TEAD3: variants seen among roughly 807,000 people sequenced by gnomAD.
TEAD3 encodes the protein transcriptional enhancer factor TEF-5.
TEAD3 carries 15 observed loss-of-function variants against 55.6 expected under a neutral mutation model. The observed-to-expected ratio is 0.27, with a 90% CI of 0.18 to 0.42. The LOEUF is 0.42. TEAD3 is among the 10% of genes least tolerant of loss of function. The pLI is 1.00. For synonymous variants in TEAD3, 210 were observed against 232.2 expected (o/e 0.90, Z 0.87); for missense variants, 407 against 576.8 (o/e 0.71, Z 3.01).
At position 35,486,351 on chromosome 6, in the gene TEAD3, G is replaced by A. The variant is rs1353468529; in HGVS notation, c.202+110C>T. On this transcript the variant is annotated intron_variant, in intron 2 of 12. Transcript: ENST00000639578. The surrounding 1 kb of genome is among the most constrained non-coding windows in gnomAD (Gnocchi z 7.3). ...CCAGACACACAGGCTTGCGCGCCCA[G>A]ACTCGCCCGGCCAGCGGCTGGCGGC... The A allele has an allele frequency of 7.6e-7, 1 of 1,318,666 alleles. No individual in the cohort carries two copies. Among genetic ancestry groups the A allele is most frequent in the African/African-American group, 1.5e-5 (1 of 67,846 alleles). 81.7% of individuals were successfully genotyped at this position (1,318,666 alleles called of 1,614,324 possible). A position where few individuals can be genotyped will look rare whatever the true frequency, so the allele number is the denominator to read the frequency against.
In TEAD3 at chr6:35,485,973, G is replaced by A. The variant is rs1005278770; in HGVS notation, c.202+488C>T. Among the ~76,000 whole-genome samples the A allele has an allele frequency of 2.6e-5, 4 of 152,222 alleles. No individual in the cohort carries two copies. Among genetic ancestry groups the A allele is most frequent in the African/African-American group, 9.6e-5 (4 of 41,462 alleles). The stretch of plus-strand genomic sequence containing the variant: ...AAAGAGGAGGGCCAACAAACCCAAG[G>A]AGTGGGGAAGGGGACTGAGGAGGGA... On this transcript the variant is annotated intron_variant, in intron 2 of 12. Coordinates refer to ENST00000639578, the Ensembl canonical transcript of TEAD3. This position sits in a 1 kb window ranked among gnomAD's most constrained non-coding sequence, Gnocchi z 4.3.
chr6:35,479,278 C>T, intron 5 of TEAD3, 27 bp downstream of exon 5: 1 of 1,613,430 alleles, frequency 6.2e-7, no homozygotes, highest in African/African-American at 1.3e-5. Context: ...TTCCCCCACT[C>T]CCACTGGGGA....
intron 5 of TEAD3, among the ~76,000 whole-genome samples, chr6:35,478,921 C>T (rs1214689047): frequency 6.6e-6 from 1 of 150,706 alleles, no homozygotes; most frequent in Non-Finnish European, 1.5e-5. Context: ...GCTCTGTCAC[C>T]CAGGCTAGAG....
In TEAD3 at chr6:35,496,657, C is replaced by T. The variant is rs1159327868; in HGVS notation, c.-50+241G>A. 6.6e-6 allele frequency among the ~76,000 whole-genome samples: 1 copy of T among 152,206 alleles called. No individual in the cohort carries two copies. The highest frequency in any genetic ancestry group is 1.5e-5 in the Non-Finnish European group (1 of 68,040). On this transcript the variant is annotated intron_variant, in intron 1 of 12. Transcript: ENST00000639578. This position sits in a 1 kb window ranked among gnomAD's most constrained non-coding sequence, Gnocchi z 4.8. The stretch of plus-strand genomic sequence containing the variant: ...GGACACGGTCTCCCCGGCTTCCCCA[C>T]CTTCCCGGACCAACTCGTCCCCGTC...
rs1405975029 is a variant in TEAD3 at position 35,486,948 on chromosome 6, G to A, written c.-49-237C>T. ...GCCTCAGTCCTGTAAAACGAGAAAAGGGTCTCCTTGAGGAGACCTCCTTGA... is the reference window on the plus strand; with the variant it reads ...GCCTCAGTCCTGTAAAACGAGAAAAAGGTCTCCTTGAGGAGACCTCCTTGA... On this transcript the variant is annotated intron_variant, in intron 1 of 12. Coordinates refer to ENST00000639578, the Ensembl canonical transcript of TEAD3. This position sits in a 1 kb window ranked among gnomAD's most constrained non-coding sequence, Gnocchi z 7.3. 6.6e-6 allele frequency among the ~76,000 whole-genome samples: 1 copy of A among 152,168 alleles called. No homozygotes were observed. The highest frequency in any genetic ancestry group is 1.5e-5 in the Non-Finnish European group (1 of 68,040).
intron 1 of TEAD3, among the ~76,000 whole-genome samples, chr6:35,489,103 C>T (rs1041544111): frequency 1.3e-5 from 2 of 152,210 alleles, no homozygotes; most frequent in Admixed American, 6.5e-5. Flanking sequence ...AGCTATTCAA[C>T]TAGTTATTGT....
intron 3 of TEAD3, among the ~76,000 whole-genome samples, chr6:35,481,432 C>T (rs1008375436): frequency 4.6e-5 from 7 of 152,148 alleles, no homozygotes; most frequent in Non-Finnish European, 8.8e-5. Context: ...TTAATCACAG[C>T]CTGACAGTGA....
At chr6:35,487,726 A>AC (rs1000478943) in intron 1 of TEAD3, among the ~76,000 whole-genome samples, 23 of 152,152 alleles carry the variant, frequency 1.5e-4, no homozygotes, top group African/African-American at 5.5e-4. Context: ...TGTCTCAAAA[A>AC]AAAACAAAAC....
At chr6:35,481,970 A>C (rs1768275362) in intron 3 of TEAD3, among the ~76,000 whole-genome samples, 1 of 152,204 alleles carries the variant, frequency 6.6e-6, no homozygotes, top group Non-Finnish European at 1.5e-5. Context: ...CTAAAACTGC[A>C]TTTCTTTGCC....
intron 1 of TEAD3, among the ~76,000 whole-genome samples, chr6:35,489,822 C>T (rs1227794362): frequency 6.6e-6 from 1 of 151,994 alleles, no homozygotes; most frequent in African/African-American, 2.4e-5. Flanking sequence ...TCACTTGAGG[C>T]CAGGAGTTCA....
intron 4 of TEAD3, chr6:35,479,986 A>G: frequency 7.7e-7 from 1 of 1,301,982 alleles, no homozygotes; most frequent in Non-Finnish European, 1.0e-6. Flanking sequence ...CCCAGGCTGG[A>G]GCCACAGAGC....
intron 3 of TEAD3, among the ~76,000 whole-genome samples, chr6:35,480,987 C>G (rs1045731416): frequency 6.6e-6 from 1 of 152,072 alleles, no homozygotes; most frequent in Non-Finnish European, 1.5e-5. Flanking sequence ...CGGGTACCAC[C>G]GCCTGAGTCC....
In TEAD3 at chr6:35,475,877, T is replaced by G. The variant is rs1229103735; in HGVS notation, c.900+42A>C. On this transcript the variant is annotated intron_variant, in intron 10 of 12. Coordinates refer to ENST00000639578, the Ensembl canonical transcript of TEAD3. The surrounding 1 kb of genome is among the most constrained non-coding windows in gnomAD (Gnocchi z 5.4). ...GGGCCTGGATGTTGCACCTCTGGGG[T>G]GGGGAAGGGGGCTTGGAGCAGAGAA... The G allele has an allele frequency of 6.6e-7, 1 of 1,504,410 alleles. No homozygotes were observed. The highest frequency in any genetic ancestry group is 8.9e-7 in the Non-Finnish European group (1 of 1,127,606). 93.2% of individuals were successfully genotyped at this position (1,504,410 alleles called of 1,614,324 possible).
At position 35,475,259 on chromosome 6, in the gene TEAD3, G is replaced by T. The variant is rs572216404; in HGVS notation, c.1194+77C>A. On this transcript the variant is annotated intron_variant, in intron 12 of 12. Coordinates refer to ENST00000639578, the Ensembl canonical transcript of TEAD3. The surrounding 1 kb of genome is among the most constrained non-coding windows in gnomAD (Gnocchi z 5.4). ...CTCCTTTCCGGATCTATGCCTCTCA[G>T]CCAAGCGATGTGTCTGGCTACCCAA... 44 of 1,603,216 alleles carry T rather than the reference G, an allele frequency of 2.7e-5. No homozygotes were observed. The highest frequency in any genetic ancestry group is 3.7e-5 in the Non-Finnish European group (44 of 1,173,690).
intron 4 of TEAD3, 118 bp from the exon 5 acceptor site, chr6:35,479,434 C>CT: frequency 7.7e-7 from 1 of 1,302,620 alleles, no homozygotes; most frequent in Non-Finnish European, 1.1e-6. Flanking sequence ...TTCCGAGGAG[C>CT]CCAAGGAAGC....
At chr6:35,480,057 T>C in intron 4 of TEAD3, 1 of 1,513,646 alleles carries the variant, frequency 6.6e-7, no homozygotes, top group South Asian at 1.2e-5. Context: ...AGGGGCCCCG[T>C]ACCTTCAGCT....
chr6:35,487,978 C>T (rs1393248716), intron 1 of TEAD3, among the ~76,000 whole-genome samples: 5 of 152,178 alleles, frequency 3.3e-5, no homozygotes, highest in Admixed American at 6.5e-5. Context: ...CCCTCACTCT[C>T]GCCCCAGCAT....
In TEAD3 at chr6:35,484,682, A is replaced by G. The variant is rs1581725945; in HGVS notation, c.203-58T>C. The G allele has an allele frequency of 6.7e-7, 1 of 1,494,470 alleles. No homozygotes were observed. Among genetic ancestry groups the G allele is most frequent in the South Asian group, 1.2e-5 (1 of 83,070 alleles). The allele number at this position is 1,494,470 out of a possible 1,614,324, so 92.6% of individuals were successfully genotyped here. On this transcript the variant is annotated intron_variant, in intron 2 of 12. Transcript: ENST00000639578. This position sits in a 1 kb window ranked among gnomAD's most constrained non-coding sequence, Gnocchi z 5.8. ...GGCAAAGGGTGGAGCCAGAGGCTGG[A>G]GGCCCCCACCCCACCGGGAAGCCAC... is the stretch of plus-strand genomic sequence containing the variant.
chr6:35,478,669 G>A (rs1426682384), intron 5 of TEAD3, 98 bp from the exon 6 acceptor site: 1 of 1,423,240 alleles, frequency 7.0e-7, no homozygotes, highest in Non-Finnish European at 9.4e-7. Flanking sequence ...CAAAGCACTA[G>A]GATGGCAGGT....
Sources: allele counts gnomAD v4.1 joint callset (sites outside exome capture counted in the v4.1 genomes callset), GRCh38; gene constraint gnomAD v4.1.1; non-coding constraint Gnocchi (gnomAD v3.1); transcripts MANE v1.5; gene names NCBI Gene and HGNC (gene_info 2026-07-23, HGNC 2026-07-21).